The following ZFTA variants were observed in gnomAD, a reference collection of about 807,000 sequenced individuals.
The protein encoded by ZFTA is zinc finger translocation associated.
A neutral mutation model predicts 41.8 loss-of-function variants in ZFTA; 35 were observed. The observed-to-expected ratio is 0.84, with a 90% CI of 0.64 to 1.11. The LOEUF (loss-of-function observed/expected upper bound fraction) is 1.11, where lower values mean the gene tolerates loss of function less well. ZFTA is among the 50% of genes most tolerant of loss of function. The pLI is 0.00. For synonymous variants in ZFTA, 514 were observed against 436.4 expected (o/e 1.18, Z -2.22); for missense variants, 964 against 989.8 (o/e 0.97, Z 0.35).
In ZFTA at chr11:63,768,466, G is replaced by A; in HGVS notation, c.139+18C>T. ...CCACGCCGGGGCCCCCGCCCGGGCC[G>A]CCGGCCCCAGCTCTTACCGCCTTCG... On this transcript the variant is annotated intron_variant, in intron 1 of 4. Coordinates refer to ENST00000433688, the MANE Select transcript of ZFTA (RefSeq NM_001144936.2). The A allele has an allele frequency of 1.8e-6, 2 of 1,117,408 alleles. No individual in the cohort carries two copies. Among genetic ancestry groups the A allele is most frequent in the Non-Finnish European group, 2.2e-6 (2 of 911,976 alleles). The allele number at this position is 1,117,408 out of a possible 1,614,324, so 69.2% of individuals were successfully genotyped here.
chr11:63,764,377 G>A lies in ZFTA; in HGVS notation c.1246C>T (p.Arg416Cys). 7.6e-7 allele frequency: 1 copy of A among 1,308,894 alleles called. No homozygotes were observed. The highest frequency in any genetic ancestry group is 1.6e-5 in the African/African-American group (1 of 64,112). The allele number at this position is 1,308,894 out of a possible 1,614,324, so 81.1% of individuals were successfully genotyped here. A position where few individuals can be genotyped will look rare whatever the true frequency, so the allele number is the denominator to read the frequency against. Residue 416 changes from arginine to cysteine, a missense_variant, in exon 4 of 5, where the codon CGC becomes TGC. Arg to Cys is a radical substitution (Grantham distance 180). Around this residue, in one of 5 missense-constraint regions of ZFTA, gnomAD observed 584 missense variants for 523.1 expected, o/e 1.12. Coordinates refer to ENST00000433688, the MANE Select transcript of ZFTA (RefSeq NM_001144936.2). The part of the protein sequence containing the change: ...GRSPRGRAHR[R>C]HPQERWRLEY... The stretch of plus-strand genomic sequence containing the variant: ...AGCCGCCAGCGCTCCTGGGGGTGGC[G>A]GCGGTGGGCGCGGCCCCGCGGCGAC...
chr11:63,764,726 G>C (rs1002108664), intron 3 of ZFTA, 128 bp from the exon 4 acceptor site: 2 of 1,351,334 alleles, frequency 1.5e-6, no homozygotes, highest in Non-Finnish European at 1.9e-6. Flanking sequence ...CTCTGTCTGG[G>C]GGCAGGGGGA....
In ZFTA at chr11:63,764,437, C is replaced by A; in HGVS notation, c.1186G>T (p.Glu396Ter). Residue 396 changes from glutamate to a stop codon, truncating the protein, a stop_gained, in exon 4 of 5, where the codon GAG becomes TAG. Transcript: ENST00000433688. LOFTEE classifies it high-confidence loss of function. ...GPAEEEEELEEGEGERAGVPG... is the reference protein window; with the variant it reads ...GPAEEEEELE ...ACCCCCGCCCTCTCGCCCTCGCCCT[C>A]CTCCAGCTCCTCCTCCTCCTCTGCG... 1 of 1,267,640 alleles carries A rather than the reference C, an allele frequency of 7.9e-7. No homozygotes were observed. 78.5% of individuals were successfully genotyped at this position (1,267,640 alleles called of 1,614,324 possible).
rs1161885113 is a variant in ZFTA at position 63,764,131 on chromosome 11, G to C, written c.1492C>G (p.Pro498Ala). 7.4e-7 allele frequency: 1 copy of C among 1,345,864 alleles called. No individual in the cohort carries two copies. The highest frequency in any genetic ancestry group is 9.5e-7 in the Non-Finnish European group (1 of 1,054,802). 83.4% of individuals were successfully genotyped at this position (1,345,864 alleles called of 1,614,324 possible). A position where few individuals can be genotyped will look rare whatever the true frequency, so the allele number is the denominator to read the frequency against. ...GTGCCGGGGGGGATGGGGCCCTGGG[G>C]GGACTCGGGGCGGGGCGGCCCCAGG... ...LALGPPRPESPQGPIPPGTAA... is the reference protein window; with the variant it reads ...LALGPPRPESAQGPIPPGTAA... The change falls in exon 4 of 5, where the codon CCC becomes GCC. Residue 498 changes from proline to alanine, a missense_variant. By Grantham distance (27) the Pro-to-Ala change is conservative (BLOSUM62 -1). Coordinates refer to ENST00000433688, the MANE Select transcript of ZFTA (RefSeq NM_001144936.2).
rs1484250695 is a variant in ZFTA at position 63,760,252 on chromosome 11, A to G, written c.*3166T>C. ...GCCACAATACACTTAAATTGAGTCA[A>G]TCACCGTGGAAAATGGGAACTAAAT... is the stretch of plus-strand genomic sequence containing the variant. On this transcript the variant is annotated 3_prime_UTR_variant, in exon 5 of 5. Transcript: ENST00000433688. 3.9e-5 allele frequency: 6 copies of G among 152,212 alleles called. No homozygotes were observed. The highest frequency in any genetic ancestry group is 7.2e-5 in the African/African-American group (3 of 41,446). 9.4% of individuals were successfully genotyped at this position (152,212 alleles called of 1,614,324 possible). A position where few individuals can be genotyped will look rare whatever the true frequency, so the allele number is the denominator to read the frequency against.
Position 63,765,248 on chromosome 11 carries a change from GC to G in ZFTA, c.643del (p.Ala215ProfsTer46). On this transcript the variant is annotated frameshift_variant, in exon 3 of 5. Transcript: ENST00000433688. LOFTEE classifies it high-confidence loss of function. This position sits in a 1 kb window ranked among gnomAD's most constrained non-coding sequence, Gnocchi z 4.0. ...PACPPKGPGK[A>X]PAGGGCRRQR... ...GCGCCGGCAGCCCCCACCAGCTGGG[GC>G]TTTGCCTGAAAGGGTTGGAGGGAAG... The G allele has an allele frequency of 6.9e-7, 1 of 1,451,246 alleles. No individual in the cohort carries two copies. The highest frequency in any genetic ancestry group is 1.5e-5 in the South Asian group (1 of 66,840). The allele number at this position is 1,451,246 out of a possible 1,614,324, so 89.9% of individuals were successfully genotyped here.
At chr11:63,767,837 G>A (rs1468071171) in intron 1 of ZFTA, among the ~76,000 whole-genome samples, 1 of 152,190 alleles carries the variant, frequency 6.6e-6, no homozygotes, top group Admixed American at 6.5e-5. Context: ...AAGAAGGGAA[G>A]GGAGAATGCA....
chr11:63,762,147 C>T lies in ZFTA; in HGVS notation c.*1271G>A, dbSNP rs1363742731. The T allele has an allele frequency of 6.6e-6, 1 of 152,454 alleles. No individual in the cohort carries two copies. Among genetic ancestry groups the T allele is most frequent in the Non-Finnish European group, 1.5e-5 (1 of 68,198 alleles). The allele number at this position is 152,454 out of a possible 1,614,324, so 9.4% of individuals were successfully genotyped here. On this transcript the variant is annotated 3_prime_UTR_variant, in exon 5 of 5. Coordinates refer to ENST00000433688, the MANE Select transcript of ZFTA (RefSeq NM_001144936.2). ...CATCAGCACAGCTAGTTGGGGTCCT[C>T]CCGTCCCCGCCTCTGCCCTCGCTCC...
chr11:63,764,490 G>T lies in ZFTA; in HGVS notation c.1133C>A (p.Ala378Asp). 1 of 1,259,066 alleles carries T rather than the reference G, an allele frequency of 7.9e-7. No individual in the cohort carries two copies. 78.0% of individuals were successfully genotyped at this position (1,259,066 alleles called of 1,614,324 possible). The change falls in exon 4 of 5, where the codon GCT becomes GAT. Residue 378 changes from alanine (A) to aspartate (D), a missense_variant. Around this residue, in one of 5 missense-constraint regions of ZFTA, gnomAD observed 584 missense variants for 523.1 expected, o/e 1.12. Coordinates refer to ENST00000433688, the MANE Select transcript of ZFTA (RefSeq NM_001144936.2). ...DLSPPDVKEE[A>D]GWVPERPGPA... ...CCCGGGCCTCTCAGGGACCCAGCCA[G>T]CCTCTTCCTTTACGTCTGGGGGGCT...
Position 63,763,817 on chromosome 11 carries a change from C to G in ZFTA, c.1638G>C (p.Glu546Asp). ...GCTCCTGGCCGTCCTCTTCGTCCTC[C>G]TCTTCTTCGGCGGGCCGCTCCAAGG... ...GAPLERPAEE[E>D]EDEEDGQEPG... Residue 546 changes from glutamate to aspartate, a missense_variant, in exon 5 of 5, where the codon GAG becomes GAC. Physicochemically the swap from Glu to Asp is conservative, Grantham distance 45. This residue lies in a region of ZFTA where 584 missense variants were observed against 523.1 expected (regional missense o/e 1.12). Transcript: ENST00000433688. 6.9e-7 allele frequency: 1 copy of G among 1,446,362 alleles called. No homozygotes were observed. The highest frequency in any genetic ancestry group is 9.1e-7 in the Non-Finnish European group (1 of 1,102,104). The allele number at this position is 1,446,362 out of a possible 1,614,324, so 89.6% of individuals were successfully genotyped here. A position where few individuals can be genotyped will look rare whatever the true frequency, so the allele number is the denominator to read the frequency against.
rs1451630534 is a variant in ZFTA at position 63,761,925 on chromosome 11, C to A, written c.*1493G>T. ...TGGGGGTCCGGAATAAGAGGGGCCT[C>A]CTCTTTGCTCTCTGCCTTTCCACCC... On this transcript the variant is annotated 3_prime_UTR_variant, in exon 5 of 5. Transcript: ENST00000433688. 6.6e-6 allele frequency: 1 copy of A among 152,474 alleles called. No homozygotes were observed. Among genetic ancestry groups the A allele is most frequent in the Non-Finnish European group, 1.5e-5 (1 of 68,270 alleles). 9.4% of individuals were successfully genotyped at this position (152,474 alleles called of 1,614,324 possible).
Position 63,761,133 on chromosome 11 carries a change from G to A in ZFTA, c.*2285C>T, listed in dbSNP as rs1248719825. The stretch of plus-strand genomic sequence containing the variant: ...ATGCATGAAGGAAAGTAAAAGAATG[G>A]CAGTGCCCAGCCTGGTGCCATCCAT... On this transcript the variant is annotated 3_prime_UTR_variant, in exon 5 of 5. Coordinates refer to ENST00000433688, the MANE Select transcript of ZFTA (RefSeq NM_001144936.2). 6.6e-6 allele frequency: 1 copy of A among 152,124 alleles called. No individual in the cohort carries two copies. Among genetic ancestry groups the A allele is most frequent in the Non-Finnish European group, 1.5e-5 (1 of 68,016 alleles). The allele number at this position is 152,124 out of a possible 1,614,324, so 9.4% of individuals were successfully genotyped here. A position where few individuals can be genotyped will look rare whatever the true frequency, so the allele number is the denominator to read the frequency against.
Position 63,766,433 on chromosome 11 carries a change from A to ATAAAAGGGATGG in ZFTA, c.140-130_140-129insCCATCCCTTTTA, listed in dbSNP as rs2014747149. On this transcript the variant is annotated intron_variant, in intron 1 of 4. Coordinates refer to ENST00000433688, the MANE Select transcript of ZFTA (RefSeq NM_001144936.2). ...GTTCCGGGGCAGGAAAGGGACGGCA[A>ATAAAAGGGATGG]CAGCAATAAAAGGGATGGTAGAAGT... The ATAAAAGGGATGG allele has an allele frequency of 8.4e-6, 10 of 1,192,520 alleles. No individual in the cohort carries two copies. The Admixed American group carries it at 1.0e-4, about 12-fold the overall frequency. 73.9% of individuals were successfully genotyped at this position (1,192,520 alleles called of 1,614,324 possible). A position where few individuals can be genotyped will look rare whatever the true frequency, so the allele number is the denominator to read the frequency against.
At position 63,760,307 on chromosome 11, in the gene ZFTA, G is replaced by C. The variant is rs1454825446; in HGVS notation, c.*3111C>G. On this transcript the variant is annotated 3_prime_UTR_variant, in exon 5 of 5. Coordinates refer to ENST00000433688, the MANE Select transcript of ZFTA (RefSeq NM_001144936.2). ...CATCAGGTCTTCATTGAAAGAACTT[G>C]AGTGGTCACCTGTGATTAGCTCTTC... 2.6e-5 allele frequency: 4 copies of C among 152,210 alleles called. No homozygotes were observed. The highest frequency in any genetic ancestry group is 5.9e-5 in the Non-Finnish European group (4 of 68,036). The allele number at this position is 152,210 out of a possible 1,614,324, so 9.4% of individuals were successfully genotyped here.
rs1159105314 is a variant in ZFTA, at chr11:63,764,081, TC to T, written c.1541del (p.Gly514GlufsTer77). On this transcript the variant is annotated frameshift_variant, in exon 4 of 5. Coordinates refer to ENST00000433688, the MANE Select transcript of ZFTA (RefSeq NM_001144936.2). LOFTEE classifies it low-confidence loss of function (END_TRUNC). ...PGTAAASDEGGGDEEEEPEEE... is the reference protein window; with the variant it reads ...PGTAAASDEGXGDEEEEPEEE... Reference sequence around the variant, plus strand: ...CCTCTGGCTCCTCCTCCTCGTCCCCTCCCCCCTCGTCGGAGGCTGCGGCAGT... The same window carrying T: ...CCTCTGGCTCCTCCTCCTCGTCCCCTCCCCCTCGTCGGAGGCTGCGGCAGT... 1 of 1,320,190 alleles carries T rather than the reference TC, an allele frequency of 7.6e-7. No homozygotes were observed. Among genetic ancestry groups the T allele is most frequent in the Non-Finnish European group, 9.6e-7 (1 of 1,038,844 alleles). The allele number at this position is 1,320,190 out of a possible 1,614,324, so 81.8% of individuals were successfully genotyped here.
intron 1 of ZFTA, 99 bp downstream of exon 1, chr11:63,768,385 G>T: frequency 2.6e-6 from 2 of 769,160 alleles, no homozygotes; most frequent in Non-Finnish European, 3.2e-6. Flanking sequence ...CCCTGCCCGC[G>T]TCCCCCGCTT....
chr11:63,763,771 G>A lies in ZFTA; in HGVS notation c.1684C>T (p.Pro562Ser). 1 of 1,460,590 alleles carries A rather than the reference G, an allele frequency of 6.8e-7. No homozygotes were observed. The highest frequency in any genetic ancestry group is 9.0e-7 in the Non-Finnish European group (1 of 1,108,230). The allele number at this position is 1,460,590 out of a possible 1,614,324, so 90.5% of individuals were successfully genotyped here. ...GGCGGAGGCGGGGGAGGAGGCGGCG[G>A]CGGCAAGGCGAGTCCCCCAGGCTCC... ...GQEPGGLALP[P>S]PPPPPPPPPP... The change falls in exon 5 of 5, where the codon CCG (proline) becomes TCG (serine). Residue 562 changes from proline to serine, a missense_variant. Transcript: ENST00000433688.
Position 63,765,208 on chromosome 11 carries a change from G to GC in ZFTA, c.683dup (p.Val230SerfsTer48). On this transcript the variant is annotated frameshift_variant, in exon 3 of 5. Transcript: ENST00000433688. LOFTEE classifies it high-confidence loss of function. This position sits in a 1 kb window ranked among gnomAD's most constrained non-coding sequence, Gnocchi z 4.0. The stretch of plus-strand genomic sequence containing the variant: ...GACGCCGAGCCCGGGGTGCCACTGG[G>GC]CCCCCTCGCCGCTGGCGCCGGCAGC... 1 of 1,476,308 alleles carries GC rather than the reference G, an allele frequency of 6.8e-7. No homozygotes were observed. The highest frequency in any genetic ancestry group is 8.9e-7 in the Non-Finnish European group (1 of 1,119,798). The allele number at this position is 1,476,308 out of a possible 1,614,324, so 91.5% of individuals were successfully genotyped here.
rs1451756522 is a variant in ZFTA, at chr11:63,765,693, AGAG to A, written c.637+111_637+113del. 2.0e-5 allele frequency: 27 copies of A among 1,367,168 alleles called. No homozygotes were observed. The highest frequency in any genetic ancestry group is 2.4e-5 in the Non-Finnish European group (25 of 1,045,938). The allele number at this position is 1,367,168 out of a possible 1,614,324, so 84.7% of individuals were successfully genotyped here. On this transcript the variant is annotated intron_variant, in intron 2 of 4. Coordinates refer to ENST00000433688, the MANE Select transcript of ZFTA (RefSeq NM_001144936.2). The surrounding 1 kb of genome is among the most constrained non-coding windows in gnomAD (Gnocchi z 4.0). ...TAAGGGCAATAAACAGACCCCACCCAGAGGAGGAGCAGTGCCTTGCTCAAGAAC... is the reference window on the plus strand; with the variant it reads ...TAAGGGCAATAAACAGACCCCACCCAGAGGAGCAGTGCCTTGCTCAAGAAC...
Sources: gnomAD v4.1 joint callset for allele counts (sites outside exome capture counted in the v4.1 genomes callset) on GRCh38, gnomAD v4.1.1 for gene constraint, gnomAD v4.1.1 regional missense constraint, Gnocchi (gnomAD v3.1) non-coding constraint, MANE v1.5 for transcripts, NCBI Gene and HGNC (gene_info 2026-07-23, HGNC 2026-07-21) for gene names.